The following TMC2 variants were observed in gnomAD, a reference collection of about 807,000 sequenced individuals.
The protein encoded by TMC2 is transmembrane channel like 2.
A neutral mutation model predicts 105.9 loss-of-function variants in TMC2; 102 were observed. The observed-to-expected ratio is 0.96, with a 90% CI of 0.82 to 1.14. The LOEUF (loss-of-function observed/expected upper bound fraction) is 1.14, where lower values mean the gene tolerates loss of function less well. Among genes scored for constraint, TMC2 ranks in the 50% most tolerant of loss-of-function variants. TMC2 has a pLI of 0.00. For missense variants in TMC2, 1,093 were observed against 1,134.3 expected (o/e 0.96, Z 0.52); for synonymous variants, 402 against 422.8 (o/e 0.95, Z 0.60).
chr20:2,602,753 T>A (rs1600124300), intron 11 of TMC2, among the ~76,000 whole-genome samples: 1 of 152,260 alleles, frequency 6.6e-6, no homozygotes, highest in East Asian at 1.9e-4. Flanking sequence ...AGCTCCACAA[T>A]AAAACACATT....
chr20:2,573,880 C>T (rs928675941), intron 5 of TMC2, among the ~76,000 whole-genome samples: 1 of 152,150 alleles, frequency 6.6e-6, no homozygotes, highest in Non-Finnish European at 1.5e-5. Context: ...TAATTCTAAT[C>T]TTTTTCATCT....
chr20:2,572,414 A>T (rs2086110891), intron 5 of TMC2, 145 bp downstream of exon 5: 1 of 646,230 alleles, frequency 1.5e-6, no homozygotes, highest in East Asian at 2.7e-5. Flanking sequence ...GACCATTCTG[A>T]TCCATCTAGG....
intron 7 of TMC2, among the ~76,000 whole-genome samples, chr20:2,591,756 A>G (rs2038243): frequency 0.43 from 65,101 of 150,756 alleles, 15,256 homozygotes; most frequent in Admixed American, 0.52. Flanking sequence ...AAAAGAAAAG[A>G]AAAGGAAAGG....
chr20:2,597,343 C>T, intron 10 of TMC2, 45 bp downstream of exon 10: 1 of 1,583,236 alleles, frequency 6.3e-7, no homozygotes, highest in Non-Finnish European at 8.6e-7. Context: ...ACTCTAGGTC[C>T]CTCTGGTCAT....
Position 2,557,350 on chromosome 20 carries a change from C to T in TMC2, c.83-1106C>T, listed in dbSNP as rs371895403. Among the ~76,000 whole-genome samples, 5 of 152,094 alleles carry T rather than the reference C, an allele frequency of 3.3e-5. No homozygotes were observed. The East Asian group carries it at 5.8e-4, about 18-fold the overall frequency. ...CCACTGACTCTTTCCTTGACTGTGACCAGTCTACTAATGAGCCCATCAAAG... is the reference window on the plus strand; with the variant it reads ...CCACTGACTCTTTCCTTGACTGTGATCAGTCTACTAATGAGCCCATCAAAG... On this transcript the variant is annotated intron_variant, in intron 2 of 19. Coordinates refer to ENST00000358864, the MANE Select transcript of TMC2 (RefSeq NM_080751.3).
At chr20:2,617,502 G>A in intron 16 of TMC2, 191 bp downstream of exon 16, 1 of 701,580 alleles carries the variant, frequency 1.4e-6, no homozygotes, top group South Asian at 2.0e-5. Context: ...TGTCTGCGCT[G>A]TTCATTTCAG....
At chr20:2,599,858 T>C (rs1331539067) in intron 10 of TMC2, among the ~76,000 whole-genome samples, 5 of 152,206 alleles carry the variant, frequency 3.3e-5, no homozygotes, top group Non-Finnish European at 7.3e-5. Flanking sequence ...TCTCTTTTCT[T>C]TGCCCCTCCC....
At position 2,561,967 on chromosome 20, in the gene TMC2, C is replaced by A. The variant is rs144617649; in HGVS notation, c.511C>A (p.Arg171=). The A allele has an allele frequency of 2.5e-6, 4 of 1,614,220 alleles. No homozygotes were observed. The highest frequency in any genetic ancestry group is 1.1e-5 in the South Asian group (1 of 91,084). ...AAAAAAGAAGCTCATTGCCACCATG[C>A]GGAGCAAGCCCTGGCCCATGGCGAA... ...EEKKKLIATM[R]SKPWPMAKKL... The change falls in exon 4 of 20, where the codon CGG becomes AGG. Residue 171 remains arginine (R), a synonymous_variant. Transcript: ENST00000358864.
chr20:2,617,440 C>CTTTTAA, intron 16 of TMC2, 129 bp downstream of exon 16: 1 of 1,234,346 alleles, frequency 8.1e-7, no homozygotes, highest in East Asian at 2.4e-5. Context: ...GGTGAATCAC[C>CTTTTAA]GATGCCATTT....
intron 2 of TMC2, among the ~76,000 whole-genome samples, chr20:2,544,309 T>A (rs1257529738): frequency 6.6e-6 from 1 of 152,142 alleles, no homozygotes; most frequent in African/African-American, 2.4e-5. Flanking sequence ...AGATCCCACA[T>A]CTGAATGCTG....
chr20:2,582,065 A>AGGCTTAG (rs567099627), intron 7 of TMC2, among the ~76,000 whole-genome samples: 63 of 152,162 alleles, frequency 4.1e-4, no homozygotes, highest in Non-Finnish European at 7.8e-4. Context: ...AGAAGGGAAG[A>AGGCTTAG]GGCTTAGACC....
Position 2,643,495 on chromosome 20 carries a change from G to A in TMC2, c.*2144G>A, listed in dbSNP as rs186595881. Among the ~76,000 whole-genome samples the A allele has an allele frequency of 7.2e-5, 11 of 152,342 alleles. No homozygotes were observed. Among genetic ancestry groups the A allele is most frequent in the African/African-American group, 1.7e-4 (7 of 41,572 alleles). ...CTGATGAAGTGTAATTTTATGTGAC[G>A]GAATGTATATGTCATCTAATGCTGC... On this transcript the variant is annotated 3_prime_UTR_variant, in exon 20 of 20. Coordinates refer to ENST00000358864, the MANE Select transcript of TMC2 (RefSeq NM_080751.3).
chr20:2,596,822 G>C (rs2086311660), intron 9 of TMC2, among the ~76,000 whole-genome samples: 1 of 151,984 alleles, frequency 6.6e-6, no homozygotes, highest in African/African-American at 2.4e-5. Flanking sequence ...CTCCCGTATA[G>C]AGTTCTCAAA....
At chr20:2,586,263 GCAC>G (rs1433150184) in intron 7 of TMC2, among the ~76,000 whole-genome samples, 2 of 152,106 alleles carry the variant, frequency 1.3e-5, no homozygotes, top group Non-Finnish European at 2.9e-5. Flanking sequence ...GATGTTATCT[GCAC>G]CAACACAACA....
At chr20:2,598,555 C>T (rs914824871) in intron 10 of TMC2, among the ~76,000 whole-genome samples, 2 of 151,984 alleles carry the variant, frequency 1.3e-5, no homozygotes, top group Admixed American at 6.6e-5. Flanking sequence ...GCTGGGATTA[C>T]AGGTGCACAT....
At chr20:2,541,088 T>C (rs1600092470) in intron 2 of TMC2, among the ~76,000 whole-genome samples, 3 of 152,262 alleles carry the variant, frequency 2.0e-5, no homozygotes, top group African/African-American at 7.2e-5. Context: ...ACCCCCTCCA[T>C]TTCTCTACCC....
chr20:2,608,766 T>C (rs2086413157), intron 11 of TMC2, among the ~76,000 whole-genome samples: 1 of 152,256 alleles, frequency 6.6e-6, no homozygotes, highest in African/African-American at 2.4e-5. Flanking sequence ...TTAAATGTTA[T>C]ATCCTTATTT....
intron 4 of TMC2, among the ~76,000 whole-genome samples, chr20:2,571,974 C>G (rs2086106607): frequency 6.6e-6 from 1 of 152,200 alleles, no homozygotes; most frequent in Non-Finnish European, 1.5e-5. Flanking sequence ...CCTACCATGC[C>G]TGTTATGTAC....
chr20:2,606,891 C>CTTTTTTTTTTT (rs11476357), intron 11 of TMC2, among the ~76,000 whole-genome samples: 12 of 83,970 alleles, frequency 1.4e-4, no homozygotes, highest in East Asian at 3.4e-4. Flanking sequence ...TTTCTTTTTT[C>CTTTTTTTTTTT]TTTTTTTTTT....
Sources: allele counts gnomAD v4.1 joint callset (sites outside exome capture counted in the v4.1 genomes callset), GRCh38; gene constraint gnomAD v4.1.1; transcripts MANE v1.5; gene names NCBI Gene and HGNC (gene_info 2026-07-23, HGNC 2026-07-21).